MAMDC2: variants seen among roughly 807,000 people sequenced by gnomAD.
MAMDC2 encodes the protein MAM domain-containing protein 2.
A neutral mutation model predicts 89.8 loss-of-function variants in MAMDC2; 57 were observed. That is an observed-to-expected ratio of 0.63 (90% CI 0.51 to 0.79). The LOEUF is 0.79. Ranked by LOEUF, MAMDC2 falls within the 30% of genes least tolerant of loss-of-function variation. The pLI, the probability that MAMDC2 is intolerant of heterozygous loss-of-function variation, is 0.00. For missense variants in MAMDC2, 800 were observed against 820.6 expected (o/e 0.97, Z 0.31); for synonymous variants, 313 against 293.4 (o/e 1.07, Z -0.68).
chr9:70,202,751 C>A (rs2033130545), intron 11 of MAMDC2, among the ~76,000 whole-genome samples: 1 of 151,360 alleles, frequency 6.6e-6, no homozygotes, highest in African/African-American at 2.4e-5. Flanking sequence ...GTATTAGGTG[C>A]ATATATATTT....
intron 2 of MAMDC2, among the ~76,000 whole-genome samples, chr9:70,085,614 G>T (rs1047810199): frequency 6.6e-6 from 1 of 151,990 alleles, no homozygotes; most frequent in Non-Finnish European, 1.5e-5. Flanking sequence ...CAAATCCTGA[G>T]ATGTGTTCTG....
chr9:70,109,845 T>C (rs774569121), intron 4 of MAMDC2, 41 bp downstream of exon 4: 1 of 1,545,884 alleles, frequency 6.5e-7, no homozygotes, highest in Non-Finnish European at 8.9e-7. Flanking sequence ...TTGTGAATCT[T>C]TTTCTAAAAG....
intron 2 of MAMDC2, among the ~76,000 whole-genome samples, chr9:70,100,620 C>T (rs994778492): frequency 2.6e-5 from 4 of 152,154 alleles, no homozygotes; most frequent in Non-Finnish European, 5.9e-5. Flanking sequence ...GTAAATATGC[C>T]AGATTCCACT....
intron 9 of MAMDC2, among the ~76,000 whole-genome samples, chr9:70,149,176 C>A (rs1432863002): frequency 6.8e-6 from 1 of 147,312 alleles, no homozygotes; most frequent in Non-Finnish European, 1.5e-5. Context: ...GATTTGCACT[C>A]CAGCCTGGGT....
At chr9:70,124,930 C>T (rs2030461740) in intron 5 of MAMDC2, among the ~76,000 whole-genome samples, 1 of 152,138 alleles carries the variant, frequency 6.6e-6, no homozygotes, top group Admixed American at 6.5e-5. Context: ...AGGCTGGTCT[C>T]AAGTTCCTGG....
chr9:70,127,350 C>T (rs1470514879), intron 6 of MAMDC2, among the ~76,000 whole-genome samples: 3 of 152,182 alleles, frequency 2.0e-5, no homozygotes, highest in Non-Finnish European at 4.4e-5. Context: ...CCAGCTCTGT[C>T]TGAGGACCCC....
intron 4 of MAMDC2, among the ~76,000 whole-genome samples, chr9:70,110,250 G>A (rs1034312649): frequency 6.6e-6 from 1 of 152,180 alleles, no homozygotes; most frequent in African/African-American, 2.4e-5. Flanking sequence ...AGCAGAGTTG[G>A]TTGGCTGTCT....
At chr9:70,111,596 C>T (rs747411734) in intron 4 of MAMDC2, among the ~76,000 whole-genome samples, 14 of 152,170 alleles carry the variant, frequency 9.2e-5, no homozygotes, top group Non-Finnish European at 2.1e-4. Context: ...TACTCTTAGG[C>T]AGCATTTGGC....
intron 2 of MAMDC2, among the ~76,000 whole-genome samples, chr9:70,076,867 A>C (rs1827544303): frequency 1.3e-5 from 2 of 152,328 alleles, no homozygotes; most frequent in African/African-American, 4.8e-5. Flanking sequence ...GTCAAGGCTC[A>C]GGGTTAGCAA....
intron 9 of MAMDC2, chr9:70,153,377 A>G (rs900548915): frequency 2.0e-5 from 3 of 152,336 alleles, no homozygotes; most frequent in South Asian, 2.1e-4. Flanking sequence ...CAGAAATTCC[A>G]TAACAATGGA....
intron 11 of MAMDC2, among the ~76,000 whole-genome samples, chr9:70,212,689 C>G (rs1043729606): frequency 1.3e-5 from 2 of 152,188 alleles, no homozygotes; most frequent in Non-Finnish European, 2.9e-5. Context: ...CAGAAATCAC[C>G]CGTCTTCTGC....
chr9:70,064,034 A>T (rs988322268), intron 2 of MAMDC2, among the ~76,000 whole-genome samples: 9 of 152,080 alleles, frequency 5.9e-5, no homozygotes, highest in East Asian at 1.9e-4. Context: ...TTATTTTTTT[A>T]AAAAAAGAAG....
chr9:70,197,163 T>C (rs576397718), intron 11 of MAMDC2, among the ~76,000 whole-genome samples: 1 of 152,120 alleles, frequency 6.6e-6, no homozygotes, highest in African/African-American at 2.4e-5. Flanking sequence ...TGATCAGCAA[T>C]TGATGTAGAC....
intron 2 of MAMDC2, among the ~76,000 whole-genome samples, chr9:70,061,846 A>C (rs531897989): frequency 1.8e-4 from 27 of 152,208 alleles, no homozygotes; most frequent in Non-Finnish European, 3.4e-4. Flanking sequence ...CGTGAGCTAA[A>C]CATGTGATTA....
rs148476584 is a variant in MAMDC2 at position 70,225,441 on chromosome 9, T to C, written c.1912-309T>C. 1.2e-3 allele frequency among the ~76,000 whole-genome samples: 181 copies of C among 152,152 alleles called. 1 individual carries two copies. The East Asian group carries it at 0.031, about 26-fold the overall frequency. On this transcript the variant is annotated intron_variant, in intron 12 of 13. Coordinates refer to ENST00000377182, the MANE Select transcript of MAMDC2 (RefSeq NM_153267.5). ...GGATGCTGGGAGAAGAGTGTTCCAA[T>C]TGGGAAGAGGAAACCAGGTTACCAC...
intron 4 of MAMDC2, among the ~76,000 whole-genome samples, chr9:70,111,607 A>G (rs2997710): frequency 0.033 from 5,013 of 152,334 alleles, 269 homozygotes; most frequent in African/African-American, 0.11. Flanking sequence ...AGCATTTGGC[A>G]CTGAATGTTA....
At chr9:70,133,866 T>C (rs11141761) in intron 7 of MAMDC2, among the ~76,000 whole-genome samples, 1,981 of 152,270 alleles carry the variant, frequency 0.013, 45 homozygotes, top group African/African-American at 0.045. Flanking sequence ...GTGGGTCAGA[T>C]TGCAACTAAA....
chr9:70,145,955 T>C (rs553399577), intron 9 of MAMDC2, among the ~76,000 whole-genome samples: 1 of 152,294 alleles, frequency 6.6e-6, no homozygotes, highest in Admixed American at 6.5e-5. Context: ...AGGAGTAGTT[T>C]TACCAGTTGC....
At chr9:70,117,545 A>T (rs995516379) in intron 5 of MAMDC2, among the ~76,000 whole-genome samples, 3 of 152,160 alleles carry the variant, frequency 2.0e-5, no homozygotes, top group African/African-American at 7.2e-5. Flanking sequence ...ACCATGGCAC[A>T]TGTATATCTA....
Sources: allele counts gnomAD v4.1 joint callset (sites outside exome capture counted in the v4.1 genomes callset), GRCh38; gene constraint gnomAD v4.1.1; transcripts MANE v1.5; gene names NCBI Gene and HGNC (gene_info 2026-07-23, HGNC 2026-07-21).